Variants in DNAH9 observed in about 807,000 individuals in gnomAD.
DNAH9 encodes the protein DNAH9 variant protein.
A neutral mutation model predicts 471.6 loss-of-function variants in DNAH9; 345 were observed. That is an observed-to-expected ratio of 0.73 (90% confidence interval 0.67 to 0.80). DNAH9 has a LOEUF of 0.80. DNAH9 is among the 30% of genes least tolerant of loss of function. The probability of loss-of-function intolerance (pLI) is 0.00; values close to 1 mark genes in which losing one functional copy is unlikely to be tolerated. For missense variants in DNAH9, 5,407 were observed against 5,609.2 expected (o/e 0.96, Z 1.15); for synonymous variants, 2,093 against 2,123.6 (o/e 0.99, Z 0.40).
intron 56 of DNAH9, 85 bp from the exon 57 acceptor site, chr17:11,886,740 T>C (rs896256289): frequency 2.0e-6 from 3 of 1,494,644 alleles, no homozygotes; most frequent in Non-Finnish European, 9.0e-7. Context: ...AGCAGACGCA[T>C]GTCTACTCAC....
At chr17:11,896,576 A>AG (rs979504534) in intron 59 of DNAH9, among the ~76,000 whole-genome samples, 8 of 152,274 alleles carry the variant, frequency 5.3e-5, no homozygotes, top group African/African-American at 1.7e-4. Flanking sequence ...GGAAGAAATA[A>AG]GGGGGTACTC....
chr17:11,744,557 A>AC lies in DNAH9; in HGVS notation c.6112-234dup, dbSNP rs1195153314. Among the ~76,000 whole-genome samples, 4 of 151,670 alleles carry AC rather than the reference A, an allele frequency of 2.6e-5. No individual in the cohort carries two copies. In the South Asian group the frequency reaches 6.3e-4, roughly 24 times the overall value. On this transcript the variant is annotated intron_variant, in intron 30 of 68. Transcript: ENST00000262442. ...AAAATGGTTCTGTTTGATCTCTTTG[A>AC]CCCCCCACATCATTTGTATGTTCTG...
chr17:11,937,253 G>C lies in DNAH9; in HGVS notation c.12490-99G>C. On this transcript the variant is annotated intron_variant, in intron 65 of 68. Transcript: ENST00000262442. This position sits in a 1 kb window ranked among gnomAD's most constrained non-coding sequence, Gnocchi z 4.1. Reference sequence around the variant, plus strand: ...TGGTGAGCAGTGTCCCCTGGAGGAGGGATACTAGCCCATGGACTCCCTGCA... The same window carrying C: ...TGGTGAGCAGTGTCCCCTGGAGGAGCGATACTAGCCCATGGACTCCCTGCA... The C allele has an allele frequency of 7.1e-7, 1 of 1,415,610 alleles. No homozygotes were observed. The highest frequency in any genetic ancestry group is 9.5e-7 in the Non-Finnish European group (1 of 1,049,750). The allele number at this position is 1,415,610 out of a possible 1,614,324, so 87.7% of individuals were successfully genotyped here. A position where few individuals can be genotyped will look rare whatever the true frequency, so the allele number is the denominator to read the frequency against.
intron 27 of DNAH9, among the ~76,000 whole-genome samples, chr17:11,725,861 C>G (rs1324605088): frequency 2.0e-5 from 3 of 151,510 alleles, no homozygotes; most frequent in Non-Finnish European, 4.4e-5. Flanking sequence ...AGCAAGACTC[C>G]ATCTCAAAAA....
At chr17:11,896,116 G>C (rs1486080210) in intron 59 of DNAH9, among the ~76,000 whole-genome samples, 1 of 152,164 alleles carries the variant, frequency 6.6e-6, no homozygotes, top group Non-Finnish European at 1.5e-5. Context: ...CCCTTTGTGA[G>C]TCCTGTCTCT....
In DNAH9 at chr17:11,962,275, C is replaced by T; in HGVS notation, c.13233+19C>T. 1 of 1,562,454 alleles carries T rather than the reference C, an allele frequency of 6.4e-7. No individual in the cohort carries two copies. ...CACACAGGTAAAGCTTGGAATGAAC[C>T]AAAGGGCAGCTTTCTGGGGGCTGAT... On this transcript the variant is annotated intron_variant, in intron 68 of 68. Transcript: ENST00000262442. This position sits in a 1 kb window ranked among gnomAD's most constrained non-coding sequence, Gnocchi z 4.1.
chr17:11,603,051 C>T (rs897436923), intron 1 of DNAH9, among the ~76,000 whole-genome samples: 3 of 152,218 alleles, frequency 2.0e-5, no homozygotes, highest in African/African-American at 7.2e-5. Context: ...GTACTGGCCT[C>T]TACCTCACTA....
intron 28 of DNAH9, among the ~76,000 whole-genome samples, chr17:11,728,983 G>A (rs886155550): frequency 6.6e-5 from 10 of 152,284 alleles, no homozygotes; most frequent in African/African-American, 1.9e-4. Context: ...TGTCTAGTGG[G>A]TAAAATGCCA....
At position 11,612,207 on chromosome 17, in the gene DNAH9, A is replaced by G. The variant is rs1227783886; in HGVS notation, c.904+427A>G. 3.8e-5 allele frequency: 14 copies of G among 368,078 alleles called. No individual in the cohort carries two copies. In the Admixed American group the frequency reaches 5.2e-4, roughly 14 times the overall value. The allele number at this position is 368,078 out of a possible 1,614,324, so 22.8% of individuals were successfully genotyped here. A position where few individuals can be genotyped will look rare whatever the true frequency, so the allele number is the denominator to read the frequency against. On this transcript the variant is annotated intron_variant, in intron 4 of 68. Transcript: ENST00000262442. ...GGCCATTATGGAGCCTGTGTGACCA[A>G]CTCCAGGGTGGTCATGTGAGTCCAT...
Position 11,797,569 on chromosome 17 carries a change from G to T in DNAH9, c.8224-28G>T, listed in dbSNP as rs375323807. ...ACCAGCCCCAGAAGTCAATAATGAG[G>T]GCCCTTATTCCTGTGTCTCATCACC... On this transcript the variant is annotated intron_variant, in intron 42 of 68. Transcript: ENST00000262442. 32 of 1,574,626 alleles carry T rather than the reference G, an allele frequency of 2.0e-5. No individual in the cohort carries two copies. In the African/African-American group the frequency reaches 3.1e-4, roughly 15 times the overall value.
chr17:11,686,587 C>G (rs916777917), intron 19 of DNAH9, among the ~76,000 whole-genome samples: 1 of 152,100 alleles, frequency 6.6e-6, no homozygotes, highest in Non-Finnish European at 1.5e-5. Context: ...CAACTTAGGC[C>G]AAGTTGGTTT....
At chr17:11,698,002 C>T (rs2074505631) in intron 22 of DNAH9, among the ~76,000 whole-genome samples, 1 of 147,282 alleles carries the variant, frequency 6.8e-6, no homozygotes, top group Non-Finnish European at 1.5e-5. Flanking sequence ...ATGTTATATA[C>T]AATTTTATGT....
Position 11,747,761 on chromosome 17 carries a change from A to AG in DNAH9, c.6607dup (p.Asp2203GlyfsTer17). 6.2e-7 allele frequency: 1 copy of AG among 1,613,122 alleles called. No homozygotes were observed. The highest frequency in any genetic ancestry group is 8.5e-7 in the Non-Finnish European group (1 of 1,179,152). ...ATCAATCCAGCCACAGGAGAATGGA[A>AG]GGATGGTAAGAGTGGGATTCTCCCA... On this transcript the variant is annotated frameshift_variant, in exon 32 of 69. Transcript: ENST00000262442. LOFTEE classifies it high-confidence loss of function.
intron 61 of DNAH9, among the ~76,000 whole-genome samples, chr17:11,922,688 T>A (rs1335701447): frequency 6.6e-6 from 1 of 152,200 alleles, no homozygotes; most frequent in Non-Finnish European, 1.5e-5. Context: ...CCCTCTTCAC[T>A]CTAATTCGTG....
intron 43 of DNAH9, among the ~76,000 whole-genome samples, chr17:11,805,582 C>T (rs1969641257): frequency 9.4e-6 from 1 of 106,260 alleles, no homozygotes; most frequent in African/African-American, 3.7e-5. Flanking sequence ...GAGTCTCTCT[C>T]TATCATCCAG....
Position 11,854,095 on chromosome 17 carries a change from T to C in DNAH9, c.9600T>C (p.Gly3200=), listed in dbSNP as rs1207487263. 7.1e-5 allele frequency: 114 copies of C among 1,613,832 alleles called. No homozygotes were observed. Among genetic ancestry groups the C allele is most frequent in the Non-Finnish European group, 9.7e-5 (114 of 1,180,004 alleles). Residue 3200 remains glycine, a synonymous_variant, in exon 50 of 69, where the codon GGT becomes GGC. Coordinates refer to ENST00000262442, the MANE Select transcript of DNAH9 (RefSeq NM_001372.4). ...TGATGGTACTGATGGCTCCCAGGGG[T>C]AGGGTGCCCAAGGACCGGAGCTGGA... ...AAVMVLMAPR[G]RVPKDRSWKA... is the part of the protein sequence containing the mutation.
chr17:11,720,349 T>C (rs575154712), intron 27 of DNAH9, among the ~76,000 whole-genome samples: 47 of 152,302 alleles, frequency 3.1e-4, no homozygotes, highest in Middle Eastern at 3.4e-3. Context: ...GCTGCACCCA[T>C]TAACTCATCA....
In DNAH9 at chr17:11,744,778, G is replaced by A; in HGVS notation, c.6112-19G>A. 6.2e-7 allele frequency: 1 copy of A among 1,600,530 alleles called. No homozygotes were observed. The highest frequency in any genetic ancestry group is 8.5e-7 in the Non-Finnish European group (1 of 1,171,898). ...TGGTGTTCTGTCTCTCTGTCACTTT[G>A]ATCTAACACTGCCCACAGGATCACT... On this transcript the variant is annotated intron_variant, in intron 30 of 68. Transcript: ENST00000262442.
chr17:11,860,914 A>G (rs1053139641), intron 50 of DNAH9, among the ~76,000 whole-genome samples: 4 of 152,060 alleles, frequency 2.6e-5, no homozygotes, highest in Non-Finnish European at 5.9e-5. Flanking sequence ...TGGACAGTCA[A>G]TGTCTTGTTC....
Sources: gnomAD v4.1 joint callset for allele counts (sites outside exome capture counted in the v4.1 genomes callset) on GRCh38, gnomAD v4.1.1 for gene constraint, Gnocchi (gnomAD v3.1) non-coding constraint, MANE v1.5 for transcripts, NCBI Gene and HGNC (gene_info 2026-07-23, HGNC 2026-07-21) for gene names.